CUL2: variants seen among roughly 807,000 people sequenced by gnomAD.
CUL2 encodes the protein cullin-2.
A neutral mutation model predicts 110.2 loss-of-function variants in CUL2; 22 were observed. That is an observed-to-expected ratio of 0.20 (90% CI 0.14 to 0.28). The LOEUF is 0.28. Among genes scored for constraint, CUL2 ranks in the 10% least tolerant of loss-of-function variants. The pLI is 1.00. For missense variants in CUL2, 631 were observed against 905.5 expected (o/e 0.70, Z 3.89); for synonymous variants, 279 against 293.2 (o/e 0.95, Z 0.49).
chr10:35,116,435 T>C (rs1002887572), intron 1 of CUL2, among the ~76,000 whole-genome samples: 11 of 152,140 alleles, frequency 7.2e-5, no homozygotes, highest in Non-Finnish European at 1.5e-4. Context: ...CTACAAAACT[T>C]ACTCTTTTTT....
chr10:35,056,058 T>G (rs1293007203), intron 4 of CUL2, among the ~76,000 whole-genome samples: 1 of 152,226 alleles, frequency 6.6e-6, no homozygotes, highest in Non-Finnish European at 1.5e-5. Flanking sequence ...CTGTTTTACT[T>G]TCTTCACAGT....
chr10:35,028,046 A>T (rs891826141), intron 16 of CUL2, among the ~76,000 whole-genome samples: 1 of 152,222 alleles, frequency 6.6e-6, no homozygotes, highest in African/African-American at 2.4e-5. Flanking sequence ...AAAGAAATGT[A>T]AAAGACTGCC....
At chr10:35,099,653 A>G (rs547012612) in intron 2 of CUL2, 17 of 152,110 alleles carry the variant, frequency 1.1e-4, no homozygotes, top group African/African-American at 4.1e-4. Context: ...GTGCATGCCT[A>G]TGATCCTAGC....
At chr10:35,056,307 T>G (rs2086239475) in intron 4 of CUL2, among the ~76,000 whole-genome samples, 1 of 152,184 alleles carries the variant, frequency 6.6e-6, no homozygotes, top group African/African-American at 2.4e-5. Context: ...AAAAGCAGCC[T>G]GCAGCCAGAT....
chr10:35,041,967 G>T (rs1402413588), intron 8 of CUL2, among the ~76,000 whole-genome samples: 1 of 152,064 alleles, frequency 6.6e-6, no homozygotes, highest in East Asian at 1.9e-4. Flanking sequence ...GCAATTCAAT[G>T]GTTTTGGTAT....
intron 2 of CUL2, among the ~76,000 whole-genome samples, chr10:35,066,460 G>A (rs563097743): frequency 1.7e-5 from 2 of 119,836 alleles, no homozygotes; most frequent in Admixed American, 9.5e-5. Flanking sequence ...ACCATGCCTG[G>A]CTAATTTTTT....
chr10:35,087,674 A>G (rs569774902), intron 1 of CUL2, among the ~76,000 whole-genome samples: 189 of 152,226 alleles, frequency 1.2e-3, no homozygotes, highest in Non-Finnish European at 2.4e-3. Flanking sequence ...ACCCATCCCA[A>G]CTGCATGCTC....
intron 1 of CUL2, among the ~76,000 whole-genome samples, chr10:35,107,218 C>G (rs959786177): frequency 5.9e-5 from 9 of 151,996 alleles, no homozygotes; most frequent in African/African-American, 2.2e-4. Flanking sequence ...TCGTGATCCA[C>G]CCACCTTGGC....
intron 1 of CUL2, among the ~76,000 whole-genome samples, chr10:35,110,448 C>T (rs2087511365): frequency 6.6e-6 from 1 of 151,984 alleles, no homozygotes; most frequent in Admixed American, 6.6e-5. Context: ...GCCTATAGTC[C>T]CAGATACTCT....
chr10:35,049,785 T>A lies in CUL2; in HGVS notation c.424-20A>T, dbSNP rs2086049412. 6.4e-7 allele frequency: 1 copy of A among 1,553,358 alleles called. No homozygotes were observed. The highest frequency in any genetic ancestry group is 1.4e-5 in the African/African-American group (1 of 73,584). On this transcript the variant is annotated intron_variant, in intron 5 of 20. Transcript: ENST00000374749. The stretch of plus-strand genomic sequence containing the variant: ...TGCTAGCTGCCGGGAAAAACGAAAA[T>A]CATCAGGGCTGAATTACTTAGTATA...
At chr10:35,117,377 G>T (rs114843396) in intron 1 of CUL2, among the ~76,000 whole-genome samples, 2,155 of 152,216 alleles carry the variant, frequency 0.014, 55 homozygotes, top group African/African-American at 0.049. Context: ...TGGGACTATA[G>T]ATGAGTGCCA....
Position 35,044,627 on chromosome 10 carries a change from T to C in CUL2, c.653A>G (p.Tyr218Cys). ...ESPFLTETGE[Y>C]YKQEASNLLQ... Reference sequence around the variant, plus strand: ...TAAATTTGAAGCTTCTTGTTTGTAATACTCTCCTGTTTCAGTCAGAAAGGG... The same window carrying C: ...TAAATTTGAAGCTTCTTGTTTGTAACACTCTCCTGTTTCAGTCAGAAAGGG... Residue 218 changes from tyrosine to cysteine, a missense_variant, in exon 8 of 21, where the codon TAT (tyrosine) becomes TGT (cysteine). Physicochemically the swap from Tyr to Cys is radical, Grantham distance 194. Around this residue, in one of 3 missense-constraint regions of CUL2, gnomAD observed 338 missense variants for 442.5 expected, o/e 0.76. Coordinates refer to ENST00000374749, the MANE Select transcript of CUL2 (RefSeq NM_003591.4). 6.2e-7 allele frequency: 1 copy of C among 1,611,336 alleles called. No individual in the cohort carries two copies. Among genetic ancestry groups the C allele is most frequent in the Non-Finnish European group, 8.5e-7 (1 of 1,179,552 alleles).
upstream of CUL2, among the ~76,000 whole-genome samples, chr10:35,094,373 T>G (rs1039013510): frequency 6.6e-6 from 1 of 152,072 alleles, no homozygotes; most frequent in East Asian, 1.9e-4. Flanking sequence ...GTAGCTGAGA[T>G]TACAAGCACG....
At chr10:35,049,233 A>G (rs2086027942) in intron 6 of CUL2, among the ~76,000 whole-genome samples, 1 of 152,190 alleles carries the variant, frequency 6.6e-6, no homozygotes, top group African/African-American at 2.4e-5. Context: ...CCATAAATTT[A>G]TCTCACAGAA....
At chr10:35,103,613 G>A (rs1233559268) in intron 1 of CUL2, among the ~76,000 whole-genome samples, 10 of 151,838 alleles carry the variant, frequency 6.6e-5, no homozygotes, top group East Asian at 1.9e-4. Context: ...GTGAGCCACC[G>A]CGCCCGGCCT....
At chr10:35,070,393 G>A (rs1480466445) in intron 2 of CUL2, among the ~76,000 whole-genome samples, 1 of 152,090 alleles carries the variant, frequency 6.6e-6, no homozygotes, top group Non-Finnish European at 1.5e-5. Context: ...ACTGAATTAG[G>A]CATTCAGAAC....
chr10:35,058,295 C>T lies in CUL2; in HGVS notation c.317+2579G>A, dbSNP rs1402165501. Among the ~76,000 whole-genome samples the T allele has an allele frequency of 3.3e-5, 5 of 152,140 alleles. No individual in the cohort carries two copies. The South Asian group carries it at 6.2e-4, about 19-fold the overall frequency. On this transcript the variant is annotated intron_variant, in intron 4 of 20. Transcript: ENST00000374749. ...GCTAAATGGCCATCCTCTTCCTGGA[C>T]GAATAACTCTTACAAGTTTGTGTCG...
In CUL2 at chr10:35,073,591, T is replaced by TTTTTTC. The variant is rs59923574; in HGVS notation, c.-22-2258_-22-2253dup. Among the ~76,000 whole-genome samples the TTTTTTC allele has an allele frequency of 2.8e-4, 43 of 151,974 alleles. No individual in the cohort carries two copies. In the East Asian group the frequency reaches 6.4e-3, roughly 23 times the overall value. ...CCCCATTTTCTTTTCTTTTCTTTTT[T>TTTTTTC]TTTTTCTTTTTCTTTTTCTTTTTTT... On this transcript the variant is annotated intron_variant, in intron 1 of 20. Coordinates refer to ENST00000374749, the MANE Select transcript of CUL2 (RefSeq NM_003591.4).
intron 1 of CUL2, chr10:35,079,587 T>C (rs1287783264): frequency 6.5e-6 from 1 of 152,850 alleles, no homozygotes. Context: ...TTTTACAGAT[T>C]GAGATTTGAC....
Sources: gnomAD v4.1 joint callset for allele counts (sites outside exome capture counted in the v4.1 genomes callset) on GRCh38, gnomAD v4.1.1 for gene constraint, gnomAD v4.1.1 regional missense constraint, MANE v1.5 for transcripts, NCBI Gene and HGNC (gene_info 2026-07-23, HGNC 2026-07-21) for gene names.